Variants in TFDP2 observed in about 807,000 individuals in gnomAD.
TFDP2 encodes the protein transcription factor Dp-2 (E2F dimerization partner 2).
A neutral mutation model predicts 59.3 loss-of-function variants in TFDP2; 17 were observed. The observed-to-expected ratio is 0.29, with a 90% CI of 0.20 to 0.43. The LOEUF (loss-of-function observed/expected upper bound fraction) is 0.43, where lower values mean the gene tolerates loss of function less well. TFDP2 is among the 20% of genes least tolerant of loss of function. The pLI, the probability that TFDP2 is intolerant of heterozygous loss-of-function variation, is 1.00. For synonymous variants in TFDP2, 180 were observed against 194.7 expected, an observed-to-expected ratio of 0.92 and a Z score of 0.63; for missense variants, 391 against 528.8, an observed-to-expected ratio of 0.74 and a Z score of 2.56.
chr3:141,964,526 CCTAT>C, intron 9 of TFDP2, among the ~76,000 whole-genome samples: 1 of 152,212 alleles, frequency 6.6e-6, no homozygotes, highest in East Asian at 1.9e-4. Flanking sequence ...GTGGTATGTG[CCTAT>C]AGTCCCAGCT....
chr3:141,963,900 G>T lies in TFDP2; in HGVS notation c.796C>A (p.Pro266Thr). The T allele has an allele frequency of 2.5e-6, 4 of 1,613,468 alleles. No homozygotes were observed. The highest frequency in any genetic ancestry group is 3.4e-6 in the Non-Finnish European group (4 of 1,179,962). ...RQNEQQNQGP[P>T]ALNSTIQLPF... ...AGCTGAATGGTAGAGTTCAGAGCCG[G>T]CGGGCCCTGGTTTTGCTGCTCATTT... The change falls in exon 10 of 13, where the codon CCG becomes ACG. Residue 266 changes from proline (P) to threonine (T), a missense_variant. Pro to Thr is a conservative substitution (Grantham distance 38). Around this residue, in one of 3 missense-constraint regions of TFDP2, gnomAD observed 223 missense variants for 292.5 expected, o/e 0.76. Transcript: ENST00000489671.
chr3:142,078,953 T>C (rs1486536380), intron 3 of TFDP2, among the ~76,000 whole-genome samples: 2 of 151,908 alleles, frequency 1.3e-5, no homozygotes, highest in Non-Finnish European at 1.5e-5. Flanking sequence ...AACAGAAAGA[T>C]TGAAATAACT....
At chr3:142,140,376 G>A (rs1383255272) in intron 1 of TFDP2, among the ~76,000 whole-genome samples, 2 of 152,158 alleles carry the variant, frequency 1.3e-5, no homozygotes, top group African/African-American at 4.8e-5. Flanking sequence ...ACTCATCAAA[G>A]TCATTCTCCG....
At chr3:142,000,622 C>A (rs904072288) in intron 4 of TFDP2, among the ~76,000 whole-genome samples, 1 of 152,168 alleles carries the variant, frequency 6.6e-6, no homozygotes, top group Non-Finnish European at 1.5e-5. Flanking sequence ...AGTCTTAACT[C>A]CTTCCCAAAA....
Position 142,018,930 on chromosome 3 carries a change from T to G in TFDP2, c.83-13386A>C, listed in dbSNP as rs868120937. On this transcript the variant is annotated intron_variant, in intron 3 of 12. Coordinates refer to ENST00000489671, the MANE Select transcript of TFDP2 (RefSeq NM_001178139.2). ...TGTCCACCTATTGGTTTTTGGTGAG[T>G]TTTTTTTTTTTTTTTTGGTAGAACG... Among the ~76,000 whole-genome samples the G allele has an allele frequency of 3.2e-3, 13 of 4,114 alleles. No individual in the cohort carries two copies. In the South Asian group the frequency reaches 0.074, roughly 23 times the overall value. The allele number at this position is 4,114 out of a possible 152,430, so 2.7% of individuals were successfully genotyped here.
chr3:142,021,598 G>A (rs1054402164), intron 3 of TFDP2, among the ~76,000 whole-genome samples: 1 of 152,126 alleles, frequency 6.6e-6, no homozygotes, highest in Non-Finnish European at 1.5e-5. Context: ...TCACTTAGGG[G>A]ACACTTTCTA....
chr3:142,102,099 T>G (rs1245096161), intron 1 of TFDP2, among the ~76,000 whole-genome samples: 2 of 152,228 alleles, frequency 1.3e-5, no homozygotes, highest in East Asian at 1.9e-4. Flanking sequence ...TAGGCTATGC[T>G]GCTTTAGAAA....
intron 11 of TFDP2, among the ~76,000 whole-genome samples, chr3:141,957,597 A>G (rs1435686706): frequency 6.6e-6 from 1 of 152,200 alleles, no homozygotes; most frequent in Admixed American, 6.6e-5. Context: ...GATAAACAAA[A>G]TGTGGTCCAT....
chr3:141,974,063 T>C lies in TFDP2; in HGVS notation c.648A>G (p.Glu216=), dbSNP rs1940244375. 6.2e-7 allele frequency: 1 copy of C among 1,611,242 alleles called. No homozygotes were observed. Among genetic ancestry groups the C allele is most frequent in the Non-Finnish European group, 8.5e-7 (1 of 1,179,182 alleles). Residue 216 remains glutamate (E), a synonymous_variant, in exon 8 of 13, where the codon GAA becomes GAG. Transcript: ENST00000489671. ...TCTCACTTACCTCCAGATTCTGACA[T>C]TCCTGAGCAGAATTGGTAGGCAGGC... ...WIGLPTNSAQ[E]CQNLEIEKQR...
chr3:142,119,813 G>A (rs943514974), intron 1 of TFDP2, among the ~76,000 whole-genome samples: 1 of 152,220 alleles, frequency 6.6e-6, no homozygotes, highest in African/African-American at 2.4e-5. Context: ...CATTTTGGGA[G>A]GCCAAGGCAG....
chr3:142,141,450 T>A (rs2062961016), intron 1 of TFDP2, among the ~76,000 whole-genome samples: 1 of 152,208 alleles, frequency 6.6e-6, no homozygotes, highest in African/African-American at 2.4e-5. Context: ...ATCTTCTGCA[T>A]CAATCACGCT....
chr3:142,118,916 T>C (rs2061939937), intron 1 of TFDP2, among the ~76,000 whole-genome samples: 1 of 152,116 alleles, frequency 6.6e-6, no homozygotes, highest in South Asian at 2.1e-4. Context: ...ATCCCAACAC[T>C]TTGGGAGGTC....
intron 1 of TFDP2, among the ~76,000 whole-genome samples, chr3:142,107,710 A>G (rs2061521408): frequency 6.6e-6 from 1 of 152,130 alleles, no homozygotes; most frequent in African/African-American, 2.4e-5. Flanking sequence ...AGTTCAAGCA[A>G]TTTTCCCAGT....
chr3:142,057,661 G>A (rs1212448117), intron 3 of TFDP2, among the ~76,000 whole-genome samples: 1 of 152,186 alleles, frequency 6.6e-6, no homozygotes, highest in Non-Finnish European at 1.5e-5. Context: ...ATAAGTTTAA[G>A]TAAAAGTGAC....
At chr3:141,999,208 C>G (rs1012783068) in intron 4 of TFDP2, among the ~76,000 whole-genome samples, 2 of 152,164 alleles carry the variant, frequency 1.3e-5, no homozygotes, top group African/African-American at 4.8e-5. Context: ...TTATGATAAT[C>G]CACTTCCATT....
chr3:142,001,199 C>A (rs1045385067), intron 4 of TFDP2, among the ~76,000 whole-genome samples: 5 of 152,192 alleles, frequency 3.3e-5, no homozygotes, highest in African/African-American at 1.2e-4. Flanking sequence ...AGTTATCATA[C>A]CCCGCAGCTT....
intron 3 of TFDP2, among the ~76,000 whole-genome samples, chr3:142,008,640 T>A (rs2108282112): frequency 6.6e-6 from 1 of 152,310 alleles, no homozygotes; most frequent in East Asian, 1.9e-4. Flanking sequence ...CACCATTTTC[T>A]GAGCAATTAT....
rs180985068 is a variant in TFDP2, at chr3:142,101,832, A to G, written c.-83T>C. The G allele has an allele frequency of 8.8e-6, 7 of 797,570 alleles. No individual in the cohort carries two copies. The East Asian group carries it at 1.7e-4, about 19-fold the overall frequency. 49.4% of individuals were successfully genotyped at this position (797,570 alleles called of 1,614,324 possible). A position where few individuals can be genotyped will look rare whatever the true frequency, so the allele number is the denominator to read the frequency against. ...AACCTTCGTCTTCAATAATTCTTTA[A>G]AAGAACAACCTGTTAAAGGAAAACA... On this transcript the variant is annotated 5_prime_UTR_variant, in exon 2 of 13. Transcript: ENST00000489671.
chr3:142,011,484 A>T (rs1944680374), intron 3 of TFDP2, among the ~76,000 whole-genome samples: 1 of 136,000 alleles, frequency 7.4e-6, no homozygotes, highest in Admixed American at 7.4e-5. Flanking sequence ...AGATATACCT[A>T]ATGCTAGATG....
Sources: allele counts gnomAD v4.1 joint callset (sites outside exome capture counted in the v4.1 genomes callset), GRCh38; gene constraint gnomAD v4.1.1; regional missense constraint gnomAD v4.1.1; transcripts MANE v1.5; gene names NCBI Gene and HGNC (gene_info 2026-07-23, HGNC 2026-07-21).